ARAP2: variants seen among roughly 807,000 people sequenced by gnomAD.
ARAP2 encodes the protein ArfGAP with RhoGAP domain, ankyrin repeat and PH domain 2.
Under a neutral mutation model 194.5 loss-of-function variants are expected in ARAP2, and 148 were observed. The observed-to-expected ratio is 0.76, with a 90% CI of 0.67 to 0.87. The LOEUF (loss-of-function observed/expected upper bound fraction) is 0.87. Among genes scored for constraint, ARAP2 ranks in the 40% least tolerant of loss-of-function variants. The probability of loss-of-function intolerance (pLI) is 0.00; values close to 1 mark genes in which losing one functional copy is unlikely to be tolerated. For missense variants in ARAP2, 2,128 were observed against 1,989.7 expected, an observed-to-expected ratio of 1.07 and a Z score of -1.32; for synonymous variants, 695 against 683.5, an observed-to-expected ratio of 1.02 and a Z score of -0.26.
chr4:36,222,071 T>C (rs1351540032), intron 2 of ARAP2, among the ~76,000 whole-genome samples: 1 of 152,148 alleles, frequency 6.6e-6, no homozygotes, highest in Non-Finnish European at 1.5e-5. Flanking sequence ...TAAAGCATGT[T>C]GATTTGTGAA....
rs762557412 is a variant in ARAP2, at chr4:36,214,489, G to T, written c.906-9C>A. 12 of 1,585,398 alleles carry T rather than the reference G, an allele frequency of 7.6e-6. No individual in the cohort carries two copies. In the Admixed American group the frequency reaches 1.5e-4, roughly 20 times the overall value. ...TTCTTTCACGGAAATAGCTTAAAAA[G>T]CAAAGGAGAAAATACTTATGAGTGA... On this transcript the variant is annotated splice_polypyrimidine_tract_variant and intron_variant, in intron 2 of 32. Transcript: ENST00000303965.
At chr4:36,069,435 C>T (rs1166480730) in intron 32 of ARAP2, among the ~76,000 whole-genome samples, 1 of 151,640 alleles carries the variant, frequency 6.6e-6, no homozygotes, top group African/African-American at 2.4e-5. Context: ...ACAACCAATG[C>T]CACTGAATTG....
intron 5 of ARAP2, among the ~76,000 whole-genome samples, chr4:36,036,070 C>T (rs1223828622): frequency 1.3e-5 from 2 of 151,980 alleles, no homozygotes; most frequent in Non-Finnish European, 2.9e-5. Context: ...AAAGCAAGTC[C>T]ATTTTTGTTT....
chr4:36,164,528 A>C (rs1264890444), intron 11 of ARAP2, among the ~76,000 whole-genome samples: 1 of 152,198 alleles, frequency 6.6e-6, no homozygotes, highest in East Asian at 1.9e-4. Context: ...TTAGTGCTCA[A>C]AACAACACTG....
At chr4:36,133,470 T>G in intron 19 of ARAP2, 81 bp from the exon 20 acceptor site, 2 of 1,257,024 alleles carry the variant, frequency 1.6e-6, no homozygotes, top group Non-Finnish European at 2.2e-6. Flanking sequence ...TACCCTAAAA[T>G]CCACACAATC....
At chr4:36,237,357 C>T (rs1752641192) in intron 1 of ARAP2, among the ~76,000 whole-genome samples, 1 of 152,194 alleles carries the variant, frequency 6.6e-6, no homozygotes, top group South Asian at 2.1e-4. Context: ...AGAAGTCCAC[C>T]TGATATGGTT....
rs915512950 is a variant in ARAP2 at position 36,045,645 on chromosome 4, T to C, written n.607+334A>G. Among the ~76,000 whole-genome samples, 4 of 152,160 alleles carry C rather than the reference T, an allele frequency of 2.6e-5. 1 individual carries two copies. Among genetic ancestry groups the C allele is most frequent in the Non-Finnish European group, 4.4e-5 (3 of 68,030 alleles). Reference sequence around the variant, plus strand: ...CATCAATTACACAGGATGGCAACTATAGGTCATAATAATGTATTGTATATT... The same window carrying C: ...CATCAATTACACAGGATGGCAACTACAGGTCATAATAATGTATTGTATATT... On this transcript the variant is annotated intron_variant and non_coding_transcript_variant, in intron 5 of 12. Transcript: ENST00000503225.
intron 31 of ARAP2, among the ~76,000 whole-genome samples, chr4:36,076,553 C>T (rs754514907): frequency 4.6e-5 from 7 of 151,660 alleles, no homozygotes; most frequent in South Asian, 2.1e-4. Context: ...CTTCTGCCTA[C>T]GCTTTAAATT....
intron 25 of ARAP2, among the ~76,000 whole-genome samples, chr4:36,115,405 A>T (rs1265636690): frequency 6.6e-6 from 1 of 152,160 alleles, no homozygotes; most frequent in East Asian, 1.9e-4. Context: ...ATGAACAAAC[A>T]ATATTTTTAA....
At chr4:36,133,193 C>A (rs1403472038) in intron 20 of ARAP2, 33 bp downstream of exon 20, 1 of 1,605,086 alleles carries the variant, frequency 6.2e-7, no homozygotes, top group Non-Finnish European at 8.5e-7. Context: ...ACAATCAGTT[C>A]TAAGGGTTGA....
chr4:36,101,261 G>T (rs1716840582), intron 27 of ARAP2, among the ~76,000 whole-genome samples: 1 of 151,962 alleles, frequency 6.6e-6, no homozygotes, highest in Non-Finnish European at 1.5e-5. Context: ...GATACTGAAG[G>T]AAGACTGTAT....
chr4:36,025,791 CA>C (rs984045671), intron 5 of ARAP2, among the ~76,000 whole-genome samples: 68 of 151,690 alleles, frequency 4.5e-4, no homozygotes, highest in African/African-American at 1.6e-3. Flanking sequence ...GGAAAAAAAT[CA>C]AAAAATGATC....
intron 8 of ARAP2, among the ~76,000 whole-genome samples, chr4:36,182,785 C>T (rs190760245): frequency 7.2e-5 from 11 of 152,228 alleles, no homozygotes; most frequent in African/African-American, 2.6e-4. Context: ...GCCTAAGCAC[C>T]TGAGGCTTCT....
rs539606160 is a variant in ARAP2 at position 36,186,410 on chromosome 4, A to G, written c.1678+1041T>C. Among the ~76,000 whole-genome samples, 321 of 152,358 alleles carry G rather than the reference A, an allele frequency of 2.1e-3. 1 individual carries two copies. The highest frequency in any genetic ancestry group is 2.4e-3 in the Non-Finnish European group (164 of 68,026). On this transcript the variant is annotated intron_variant, in intron 8 of 32. Transcript: ENST00000303965. ...TGCCATCTTTGGGTCGGCTTTTACCATCAAGTGCCCCATAGATGATATAGA... is the reference window on the plus strand; with the variant it reads ...TGCCATCTTTGGGTCGGCTTTTACCGTCAAGTGCCCCATAGATGATATAGA...
chr4:36,092,984 A>G (rs1052625669), intron 27 of ARAP2, among the ~76,000 whole-genome samples: 4 of 152,196 alleles, frequency 2.6e-5, no homozygotes, highest in African/African-American at 9.6e-5. Flanking sequence ...GACTGAATAA[A>G]GAAAATACGG....
At chr4:36,242,052 C>A (rs1048080816) in intron 1 of ARAP2, among the ~76,000 whole-genome samples, 1 of 152,134 alleles carries the variant, frequency 6.6e-6, no homozygotes, top group African/African-American at 2.4e-5. Context: ...AACAAGTGAG[C>A]AAAATGGTTT....
intron 16 of ARAP2, among the ~76,000 whole-genome samples, chr4:36,149,542 G>C (rs1730445977): frequency 6.6e-6 from 1 of 152,162 alleles, no homozygotes; most frequent in Non-Finnish European, 1.5e-5. Flanking sequence ...TCTCATTGTA[G>C]ATACTTTCTC....
Position 36,151,026 on chromosome 4 carries a change from C to T in ARAP2, c.2771G>A (p.Cys924Tyr). 1 of 1,597,442 alleles carries T rather than the reference C, an allele frequency of 6.3e-7. No individual in the cohort carries two copies. The highest frequency in any genetic ancestry group is 8.5e-7 in the Non-Finnish European group (1 of 1,174,744). Residue 924 changes from cysteine to tyrosine, a missense_variant, in exon 16 of 33, where the codon TGT (cysteine) becomes TAT (tyrosine). Transcript: ENST00000303965. Reference sequence around the variant, plus strand: ...ACTCAAGAAGCCTCCTTCCAAAACACACCATTTTTTATTTGTCTCTAAGAA... The same window carrying T: ...ACTCAAGAAGCCTCCTTCCAAAACATACCATTTTTTATTTGTCTCTAAGAA... ...KLLEETNKKW[C>Y]VLEGGFLSYY...
At position 36,133,265 on chromosome 4, in the gene ARAP2, T is replaced by C. The variant is rs1378722433; in HGVS notation, c.3388A>G (p.Ile1130Val). ...AATGCTATACAGCTGTTCACTATAA[T>C]GGGAACGTCATTTTTGCTGAGCTGC... ...DQQLSKNDVP[I>V]IVNSCIAFVT... The change falls in exon 20 of 33, where the codon ATT (isoleucine) becomes GTT (valine). Residue 1130 changes from isoleucine (I) to valine (V), a missense_variant. Physicochemically the swap from Ile to Val is conservative, Grantham distance 29 (BLOSUM62 3). Transcript: ENST00000303965. 5.0e-6 allele frequency: 8 copies of C among 1,611,040 alleles called. No homozygotes were observed. Among genetic ancestry groups the C allele is most frequent in the Admixed American group, 3.4e-5 (2 of 59,662 alleles).
Sources: allele counts gnomAD v4.1 joint callset (sites outside exome capture counted in the v4.1 genomes callset), GRCh38; gene constraint gnomAD v4.1.1; transcripts MANE v1.5; gene names NCBI Gene and HGNC (gene_info 2026-07-23, HGNC 2026-07-21).